EYS: variants seen among roughly 807,000 people sequenced by gnomAD.
EYS encodes the protein EGF-like photoreceptor maintenance factor.
Under a neutral mutation model 282.1 loss-of-function variants are expected in EYS, and 250 were observed. The observed-to-expected ratio is 0.89, with a 90% CI of 0.80 to 0.98. The LOEUF is 0.98. Among genes scored for constraint, EYS ranks in the 50% least tolerant of loss-of-function variants. The pLI is 0.00. For missense variants in EYS, 4,016 were observed against 3,709.0 expected, an observed-to-expected ratio of 1.08 and a Z score of -2.15; for synonymous variants, 1,355 against 1,282.9, an observed-to-expected ratio of 1.06 and a Z score of -1.20.
intron 31 of EYS, among the ~76,000 whole-genome samples, chr6:64,222,949 A>G (rs560595619): frequency 2.6e-5 from 4 of 151,896 alleles, no homozygotes; most frequent in African/African-American, 7.3e-5. Flanking sequence ...TCCTTTTAAA[A>G]AAAACTCATA....
At chr6:64,373,613 C>G (rs1172774293) in intron 29 of EYS, among the ~76,000 whole-genome samples, 1 of 152,120 alleles carries the variant, frequency 6.6e-6, no homozygotes, top group Non-Finnish European at 1.5e-5. Flanking sequence ...TCCAAGGCAA[C>G]AGGAAGCTGT....
At chr6:65,286,473 A>T (rs1354457331) in intron 12 of EYS, among the ~76,000 whole-genome samples, 2 of 151,804 alleles carry the variant, frequency 1.3e-5, no homozygotes, top group Non-Finnish European at 3.0e-5. Flanking sequence ...TTTTAAAAAT[A>T]CATTTCTACA....
intron 29 of EYS, among the ~76,000 whole-genome samples, chr6:64,365,124 A>G (rs1297629885): frequency 6.6e-6 from 1 of 151,992 alleles, no homozygotes; most frequent in Non-Finnish European, 1.5e-5. Context: ...ATAATGACAC[A>G]CAAAAGATTC....
At chr6:64,740,530 A>T (rs1020200903) in intron 22 of EYS, among the ~76,000 whole-genome samples, 1 of 152,110 alleles carries the variant, frequency 6.6e-6, no homozygotes, top group African/African-American at 2.4e-5. Context: ...CCTATATTCT[A>T]GCATAATTAA....
chr6:65,515,039 T>C (rs1275556978), intron 2 of EYS, among the ~76,000 whole-genome samples: 2 of 152,194 alleles, frequency 1.3e-5, no homozygotes, highest in East Asian at 1.9e-4. Context: ...ACAACCTACT[T>C]ATCTGACAAA....
At chr6:63,950,282 T>C (rs1011252156) in intron 35 of EYS, among the ~76,000 whole-genome samples, 8 of 152,078 alleles carry the variant, frequency 5.3e-5, no homozygotes, top group Non-Finnish European at 8.8e-5. Context: ...TTGAAGTATC[T>C]GAAGAATCAC....
intron 1 of EYS, among the ~76,000 whole-genome samples, chr6:65,685,089 G>C (rs969501370): frequency 6.6e-6 from 1 of 152,016 alleles, no homozygotes; most frequent in African/African-American, 2.4e-5. Context: ...TAGGGTTAGA[G>C]TGAGGGTAAT....
chr6:65,549,551 T>C (rs879584925), intron 2 of EYS, among the ~76,000 whole-genome samples: 3 of 152,308 alleles, frequency 2.0e-5, no homozygotes, highest in Admixed American at 2.0e-4. Context: ...GTTGTATTCC[T>C]AGGGCTGTCT....
rs547128747 is a variant in EYS at position 63,876,186 on chromosome 6, G to C, written c.7056-11828C>G. On this transcript the variant is annotated intron_variant, in intron 35 of 42. Transcript: ENST00000503581. ...GGTTTGTTGTGTCTTTGTTCTCATT[G>C]GTTTCAAAGAACATCTTTATTTCTG... Among the ~76,000 whole-genome samples, 15 of 152,172 alleles carry C rather than the reference G, an allele frequency of 9.9e-5. No individual in the cohort carries two copies. The South Asian group carries it at 2.7e-3, about 27-fold the overall frequency.
chr6:65,700,456 C>A (rs969806961), intron 1 of EYS, among the ~76,000 whole-genome samples: 1 of 152,150 alleles, frequency 6.6e-6, no homozygotes, highest in African/African-American at 2.4e-5. Flanking sequence ...ACTGTGGCTA[C>A]ATATATGTTA....
intron 13 of EYS, among the ~76,000 whole-genome samples, chr6:65,020,711 A>T (rs1772225763): frequency 6.6e-6 from 1 of 152,144 alleles, no homozygotes; most frequent in Admixed American, 6.5e-5. Flanking sequence ...TCCCTACTGC[A>T]CTGCCCTAGC....
At chr6:64,251,313 A>G (rs1767208288) in intron 30 of EYS, among the ~76,000 whole-genome samples, 1 of 152,150 alleles carries the variant, frequency 6.6e-6, no homozygotes, top group South Asian at 2.1e-4. Context: ...ACTGAACATC[A>G]TATTTCAGAG....
chr6:64,138,192 G>A (rs1302960140), intron 31 of EYS, among the ~76,000 whole-genome samples: 2 of 152,182 alleles, frequency 1.3e-5, no homozygotes, highest in African/African-American at 2.4e-5. Flanking sequence ...TAGGTGAGCT[G>A]TAAGTCGTAG....
At chr6:64,015,088 C>A (rs1228203779) in intron 33 of EYS, among the ~76,000 whole-genome samples, 1 of 152,112 alleles carries the variant, frequency 6.6e-6, no homozygotes, top group Admixed American at 6.5e-5. Flanking sequence ...CACAAGAGCA[C>A]TTTCAATTTA....
chr6:64,480,749 T>C (rs773597591), intron 26 of EYS, among the ~76,000 whole-genome samples: 48 of 151,904 alleles, frequency 3.2e-4, no homozygotes, highest in Admixed American at 3.2e-3. Flanking sequence ...TAAAATGAGG[T>C]TTGTCGCTTA....
intron 22 of EYS, among the ~76,000 whole-genome samples, chr6:64,800,256 C>A (rs542917400): frequency 8.6e-5 from 13 of 151,976 alleles, no homozygotes; most frequent in Non-Finnish European, 1.8e-4. Context: ...GCATCATGAG[C>A]AATTATTTTT....
intron 11 of EYS, chr6:65,300,715 C>G (rs1341700493): frequency 6.6e-6 from 1 of 152,140 alleles, no homozygotes; most frequent in Non-Finnish European, 1.5e-5. Context: ...AGAGACCTGG[C>G]TGATTTGTTT....
At position 64,193,319 on chromosome 6, in the gene EYS, T is replaced by C. The variant is rs373352282; in HGVS notation, c.6424+37273A>G. ...AGAATGAGTTACTATTGTTTTTTCT[T>C]TTTTTTTTGGAAACGGAGTCTCCCT... On this transcript the variant is annotated intron_variant, in intron 31 of 42. Coordinates refer to ENST00000503581, the MANE Select transcript of EYS (RefSeq NM_001142800.2). Among the ~76,000 whole-genome samples, 14 of 150,952 alleles carry C rather than the reference T, an allele frequency of 9.3e-5. 1 individual carries two copies. Among genetic ancestry groups the C allele is most frequent in the African/African-American group, 3.4e-4 (14 of 41,244 alleles).
Position 65,369,330 on chromosome 6 carries a change from T to TTATATATA in EYS, c.1299+15048_1299+15055dup, listed in dbSNP as rs200969989. ...TAATATATATATTATATATATATAT[T>TTATATATA]TATATATATATATATCTCATTCTGA... On this transcript the variant is annotated intron_variant, in intron 8 of 42. Coordinates refer to ENST00000503581, the MANE Select transcript of EYS (RefSeq NM_001142800.2). Among the ~76,000 whole-genome samples, 200 of 138,306 alleles carry TTATATATA rather than the reference T, an allele frequency of 1.4e-3. 2 individuals are homozygous for TTATATATA. The highest frequency in any genetic ancestry group is 4.9e-3 in the African/African-American group (187 of 38,408). The allele number at this position is 138,306 out of a possible 152,430, so 90.7% of individuals were successfully genotyped here. A position where few individuals can be genotyped will look rare whatever the true frequency, so the allele number is the denominator to read the frequency against.
Sources: gnomAD v4.1 joint callset for allele counts (sites outside exome capture counted in the v4.1 genomes callset) on GRCh38, gnomAD v4.1.1 for gene constraint, MANE v1.5 for transcripts, NCBI Gene and HGNC (gene_info 2026-07-23, HGNC 2026-07-21) for gene names.